HPSE2: variants seen among roughly 807,000 people sequenced by gnomAD.
HPSE2 encodes the protein inactive heparanase-2.
HPSE2 carries 38 observed loss-of-function variants against 60.5 expected under a neutral mutation model. The observed-to-expected ratio is 0.63, with a 90% CI of 0.48 to 0.82. The LOEUF (loss-of-function observed/expected upper bound fraction) is 0.82, where lower values mean the gene tolerates loss of function less well. HPSE2 is among the 40% of genes least tolerant of loss of function. HPSE2 has a pLI of 0.00. For synonymous variants in HPSE2, 295 were observed against 293.2 expected (o/e 1.01, Z -0.06); for missense variants, 713 against 740.4 (o/e 0.96, Z 0.43).
chr10:99,180,925 T>C (rs1260128969), intron 2 of HPSE2, among the ~76,000 whole-genome samples: 1 of 135,870 alleles, frequency 7.4e-6, no homozygotes, highest in Non-Finnish European at 1.5e-5. Context: ...AAAACACAGA[T>C]GCTGGAGAGG....
At chr10:98,974,109 G>A (rs535441640) in intron 3 of HPSE2, among the ~76,000 whole-genome samples, 51 of 151,996 alleles carry the variant, frequency 3.4e-4, no homozygotes, top group African/African-American at 1.2e-3. Flanking sequence ...TGGCCAACAT[G>A]GAAAAACCCC....
chr10:99,080,371 C>G (rs1374304709), intron 3 of HPSE2, among the ~76,000 whole-genome samples: 1 of 152,020 alleles, frequency 6.6e-6, no homozygotes, highest in African/African-American at 2.4e-5. Flanking sequence ...ATAAACAAGG[C>G]TATGGCATGT....
In HPSE2 at chr10:99,044,336, T is replaced by C. The variant is rs189903084; in HGVS notation, c.610+99902A>G. The stretch of plus-strand genomic sequence containing the variant: ...GAAATCATTTCAATTAGACCAGCCT[T>C]ACAAGAGGTCCTTAAGGGCATGCTA... On this transcript the variant is annotated intron_variant, in intron 3 of 11. Transcript: ENST00000370552. Among the ~76,000 whole-genome samples the C allele has an allele frequency of 3.2e-3, 483 of 152,316 alleles. 2 individuals carry two copies. Among genetic ancestry groups the C allele is most frequent in the African/African-American group, 0.011 (453 of 41,566 alleles).
intron 3 of HPSE2, among the ~76,000 whole-genome samples, chr10:98,839,084 T>C (rs1951855186): frequency 6.6e-6 from 1 of 152,190 alleles, no homozygotes. Context: ...TTTACTAATG[T>C]AGGTAATGAG....
At chr10:99,136,294 C>T (rs558270361) in intron 3 of HPSE2, among the ~76,000 whole-genome samples, 1 of 152,214 alleles carries the variant, frequency 6.6e-6, no homozygotes, top group East Asian at 1.9e-4. Context: ...GATTCACAGC[C>T]GAATTCTACC....
chr10:99,308,262 C>T, the HPSE2 span, among the ~76,000 whole-genome samples: 1 of 151,192 alleles, frequency 6.6e-6, no homozygotes, highest in East Asian at 1.9e-4. Context: ...GTGGCACACG[C>T]CTGAAATCCC....
chr10:98,673,173 G>T (rs1947550394), intron 6 of HPSE2, among the ~76,000 whole-genome samples: 1 of 152,108 alleles, frequency 6.6e-6, no homozygotes, highest in African/African-American at 2.4e-5. Context: ...AAACAGACGT[G>T]TTCACTCACA....
chr10:99,251,682 T>G, the HPSE2 span, among the ~76,000 whole-genome samples: 1 of 127,130 alleles, frequency 7.9e-6, no homozygotes, highest in Admixed American at 8.4e-5. Context: ...GATGAAAGTT[T>G]GGTTCAACAT....
chr10:98,854,680 T>C (rs1346485040), intron 3 of HPSE2, among the ~76,000 whole-genome samples: 1 of 152,126 alleles, frequency 6.6e-6, no homozygotes, highest in Non-Finnish European at 1.5e-5. Flanking sequence ...GAAAAGGACA[T>C]ATAACATGTA....
At chr10:98,689,893 T>C (rs1948031062) in intron 6 of HPSE2, among the ~76,000 whole-genome samples, 1 of 152,204 alleles carries the variant, frequency 6.6e-6, no homozygotes, top group African/African-American at 2.4e-5. Context: ...TTTCACTGGA[T>C]AAAAACAAGG....
chr10:98,997,965 T>C (rs1310716247), intron 3 of HPSE2, among the ~76,000 whole-genome samples: 1 of 152,210 alleles, frequency 6.6e-6, no homozygotes, highest in Non-Finnish European at 1.5e-5. Flanking sequence ...CAGAGCCTCA[T>C]CTCACAGAAG....
At chr10:98,729,936 G>A (rs926506746) in intron 4 of HPSE2, among the ~76,000 whole-genome samples, 1 of 152,000 alleles carries the variant, frequency 6.6e-6, no homozygotes, top group Admixed American at 6.6e-5. Context: ...TAGATGAAAC[G>A]ACTGGATAAA....
chr10:99,302,137 C>T, the HPSE2 span, among the ~76,000 whole-genome samples: 1 of 152,012 alleles, frequency 6.6e-6, no homozygotes, highest in East Asian at 1.9e-4. Flanking sequence ...CAAGCAGTCA[C>T]TAAGGCAAAA....
At chr10:98,558,036 G>A (rs1369877884) in intron 9 of HPSE2, among the ~76,000 whole-genome samples, 1 of 152,058 alleles carries the variant, frequency 6.6e-6, no homozygotes, top group Non-Finnish European at 1.5e-5. Flanking sequence ...AATAAATATA[G>A]GAAAAGGTGC....
intron 4 of HPSE2, among the ~76,000 whole-genome samples, chr10:98,735,197 G>A (rs1323781761): frequency 2.3e-5 from 1 of 43,454 alleles, no homozygotes; most frequent in Non-Finnish European, 5.6e-5. Flanking sequence ...GTACCGGGTA[G>A]TGGGCCACTG....
Position 98,612,975 on chromosome 10 carries a change from G to A in HPSE2, c.1320+1929C>T, listed in dbSNP as rs115318207. The stretch of plus-strand genomic sequence containing the variant: ...CTAGTGTTCTTGTGTTTCCGCAAAC[G>A]TGCCAAGTTTGTTCCTGCCTCGGAG... On this transcript the variant is annotated intron_variant, in intron 9 of 11. Coordinates refer to ENST00000370552, the MANE Select transcript of HPSE2 (RefSeq NM_021828.5). Among the ~76,000 whole-genome samples the A allele has an allele frequency of 9.8e-3, 1,492 of 152,162 alleles. 32 individuals carry two copies. The highest frequency in any genetic ancestry group is 0.034 in the African/African-American group (1,394 of 41,510).
intron 6 of HPSE2, among the ~76,000 whole-genome samples, chr10:98,689,729 T>C (rs181752573): frequency 6.6e-6 from 1 of 152,336 alleles, no homozygotes; most frequent in East Asian, 1.9e-4. Context: ...ATTTTGAATC[T>C]AGCAGGAAGT....
intron 3 of HPSE2, among the ~76,000 whole-genome samples, chr10:98,860,992 G>A (rs776711421): frequency 2.0e-5 from 3 of 152,128 alleles, no homozygotes; most frequent in South Asian, 2.1e-4. Context: ...TACAGAGCAG[G>A]TGCTTCACAA....
At chr10:98,721,550 T>C in intron 5 of HPSE2, 107 bp downstream of exon 5, 2 of 1,154,470 alleles carry the variant, frequency 1.7e-6, no homozygotes, top group Non-Finnish European at 2.4e-6. Context: ...TCCTTTTTTC[T>C]TAAGACCAAA....
Sources: allele counts gnomAD v4.1 joint callset (sites outside exome capture counted in the v4.1 genomes callset), GRCh38; gene constraint gnomAD v4.1.1; transcripts MANE v1.5; gene names NCBI Gene and HGNC (gene_info 2026-07-23, HGNC 2026-07-21).